XIRP2: variants seen among roughly 807,000 people sequenced by gnomAD.
XIRP2 encodes the protein xin actin-binding repeat-containing protein 2.
In XIRP2, 236 loss-of-function variants were observed where a neutral mutation model predicts 277.0. The ratio of observed to expected loss-of-function variants is 0.85; its 90% CI spans 0.77 to 0.95. XIRP2 has a LOEUF of 0.95. XIRP2 is among the 40% of genes least tolerant of loss of function. The pLI, the probability that XIRP2 is intolerant of heterozygous loss-of-function variation, is 0.00. For synonymous variants in XIRP2, 1,490 were observed against 1,416.5 expected, an observed-to-expected ratio of 1.05 and a Z score of -1.17; for missense variants, 4,640 against 4,157.5, an observed-to-expected ratio of 1.12 and a Z score of -3.19.
At position 166,937,610 on chromosome 2, in the gene XIRP2, A is replaced by G. The variant is rs528285762; in HGVS notation, c.408+33720A>G. On this transcript the variant is annotated intron_variant, in intron 2 of 10. Transcript: ENST00000409195. ...GGTATCAGGATGATGCTGGCCTCAT[A>G]AAATGAGTTAGGGAGGATTCCCTCT... 3.3e-5 allele frequency among the ~76,000 whole-genome samples: 5 copies of G among 152,282 alleles called. No homozygotes were observed. In the South Asian group the frequency reaches 8.3e-4, roughly 25 times the overall value.
At chr2:166,958,942 G>A (rs1367581823) in intron 2 of XIRP2, among the ~76,000 whole-genome samples, 1 of 151,756 alleles carries the variant, frequency 6.6e-6, no homozygotes, top group East Asian at 1.9e-4. Flanking sequence ...CTTTGTCACA[G>A]AAGGCCAGGA....
At chr2:167,131,389 T>G (rs1418706677) in intron 2 of XIRP2, among the ~76,000 whole-genome samples, 1 of 152,038 alleles carries the variant, frequency 6.6e-6, no homozygotes, top group Non-Finnish European at 1.5e-5. Context: ...ACAAAACACA[T>G]CTCTCTCAAG....
intron 2 of XIRP2, among the ~76,000 whole-genome samples, chr2:167,025,578 T>C (rs1574177228): frequency 6.6e-6 from 1 of 151,882 alleles, no homozygotes; most frequent in South Asian, 2.1e-4. Flanking sequence ...TCCTGCTTTC[T>C]CTTGTGGGCA....
chr2:167,092,899 A>G (rs1279075714), intron 2 of XIRP2, among the ~76,000 whole-genome samples: 1 of 152,170 alleles, frequency 6.6e-6, no homozygotes, highest in Non-Finnish European at 1.5e-5. Context: ...AAAAGACTGC[A>G]GGAACAAATT....
chr2:167,078,953 G>A (rs1451491576), intron 2 of XIRP2, among the ~76,000 whole-genome samples: 1 of 152,040 alleles, frequency 6.6e-6, no homozygotes, highest in African/African-American at 2.4e-5. Flanking sequence ...CAAGGGGACT[G>A]CCTCCAGCTT....
chr2:167,125,669 C>G (rs1211855861), intron 2 of XIRP2, among the ~76,000 whole-genome samples: 1 of 152,114 alleles, frequency 6.6e-6, no homozygotes, highest in Non-Finnish European at 1.5e-5. Flanking sequence ...CCTCATTTTT[C>G]GTATTTCTGA....
At chr2:167,041,486 C>A (rs1047174260) in intron 2 of XIRP2, among the ~76,000 whole-genome samples, 4 of 152,048 alleles carry the variant, frequency 2.6e-5, no homozygotes, top group South Asian at 2.1e-4. Flanking sequence ...GTGAACTGAC[C>A]TTCTAGAGTT....
chr2:167,172,384 A>G (rs1692724246), intron 3 of XIRP2, among the ~76,000 whole-genome samples: 1 of 152,214 alleles, frequency 6.6e-6, no homozygotes, highest in Non-Finnish European at 1.5e-5. Flanking sequence ...ACGCATTGTC[A>G]TTGATAACCT....
chr2:167,036,714 G>A (rs901996787), intron 2 of XIRP2, among the ~76,000 whole-genome samples: 2 of 152,114 alleles, frequency 1.3e-5, no homozygotes, highest in Non-Finnish European at 2.9e-5. Context: ...GAGATTTGGA[G>A]GGGCCAGGGA....
intron 5 of XIRP2, among the ~76,000 whole-genome samples, chr2:167,224,120 G>A (rs1321945974): frequency 6.6e-6 from 1 of 152,118 alleles, no homozygotes; most frequent in African/African-American, 2.4e-5. Context: ...AGAACAAGAA[G>A]GGGGAACTCA....
intron 6 of XIRP2, among the ~76,000 whole-genome samples, 158 bp from the exon 7 acceptor site, chr2:167,240,506 T>C (rs1695031459): frequency 6.6e-6 from 1 of 152,178 alleles, no homozygotes; most frequent in Non-Finnish European, 1.5e-5. Flanking sequence ...TATAAGCGAA[T>C]CTATGTATTA....
At chr2:166,891,990 T>C (rs1345921099) in intron 1 of XIRP2, among the ~76,000 whole-genome samples, 1 of 152,180 alleles carries the variant, frequency 6.6e-6, no homozygotes, top group Non-Finnish European at 1.5e-5. Context: ...ACCTTCAGCT[T>C]GCCGATGCTG....
rs1294438238 is a variant in XIRP2, at chr2:167,242,612, T to TG, written c.1221dup (p.Ser408GlufsTer22). Reference sequence around the variant, plus strand: ...GAGACTTTCAAGCCATCATCAGTTGTGAGTACCTCTTCCACTTCTTGCGTT... The same window carrying TG: ...GAGACTTTCAAGCCATCATCAGTTGTGGAGTACCTCTTCCACTTCTTGCGTT... On this transcript the variant is annotated frameshift_variant, in exon 9 of 11. Transcript: ENST00000409195. LOFTEE classifies it high-confidence loss of function. 8 of 1,613,850 alleles carry TG rather than the reference T, an allele frequency of 5.0e-6. No individual in the cohort carries two copies. In the South Asian group the frequency reaches 7.7e-5, roughly 16 times the overall value.
intron 5 of XIRP2, among the ~76,000 whole-genome samples, chr2:167,232,215 TAATAGATTA>T (rs1228828839): frequency 6.6e-6 from 1 of 151,978 alleles, no homozygotes; most frequent in African/African-American, 2.4e-5. Flanking sequence ...AAGAATTGTG[TAATAGATTA>T]AATCATTATA....
intron 3 of XIRP2, 47 bp downstream of exon 3, chr2:167,136,109 A>G (rs772470145): frequency 4.0e-6 from 6 of 1,484,660 alleles, no homozygotes; most frequent in Non-Finnish European, 5.4e-6. Flanking sequence ...TACCTTGTAC[A>G]ACATGAGTGG....
chr2:167,096,041 T>G (rs1333247615), intron 2 of XIRP2, among the ~76,000 whole-genome samples: 1 of 150,716 alleles, frequency 6.6e-6, no homozygotes, highest in Non-Finnish European at 1.5e-5. Flanking sequence ...ACCCAGCTAA[T>G]TTTTTGTATT....
At chr2:167,151,219 A>G (rs1362171288) in intron 3 of XIRP2, among the ~76,000 whole-genome samples, 3 of 152,140 alleles carry the variant, frequency 2.0e-5, no homozygotes, top group African/African-American at 4.8e-5. Flanking sequence ...CATCAGCCTT[A>G]TAGGATGCAG....
intron 3 of XIRP2, among the ~76,000 whole-genome samples, chr2:167,195,758 G>A (rs374213568): frequency 1.3e-5 from 2 of 152,136 alleles, no homozygotes; most frequent in African/African-American, 4.8e-5. Context: ...GTGGGTATAG[G>A]GACAAGAAAG....
chr2:167,064,164 C>G (rs1204635671), intron 2 of XIRP2, among the ~76,000 whole-genome samples: 6 of 151,638 alleles, frequency 4.0e-5, no homozygotes, highest in Non-Finnish European at 8.9e-5. Flanking sequence ...TTTTAATATT[C>G]ATATGCATTT....
Sources: allele counts gnomAD v4.1 joint callset (sites outside exome capture counted in the v4.1 genomes callset), GRCh38; gene constraint gnomAD v4.1.1; transcripts MANE v1.5; gene names NCBI Gene and HGNC (gene_info 2026-07-23, HGNC 2026-07-21).